Variants in BIRC6 observed in about 807,000 individuals in gnomAD.
BIRC6 encodes the protein dual E2 ubiquitin-conjugating enzyme/E3 ubiquitin-protein ligase BIRC6.
A neutral mutation model predicts 503.3 loss-of-function variants in BIRC6; 98 were observed. The ratio of observed to expected loss-of-function variants is 0.19; its 90% CI spans 0.17 to 0.23. The LOEUF (loss-of-function observed/expected upper bound fraction) is 0.23, where lower values mean the gene tolerates loss of function less well. Ranked by LOEUF, BIRC6 falls within the 10% of genes least tolerant of loss-of-function variation. The pLI is 1.00. For missense variants in BIRC6, 5,360 were observed against 5,806.0 expected (o/e 0.92, Z 2.50); for synonymous variants, 2,240 against 2,078.7 (o/e 1.08, Z -2.11).
At chr2:32,551,735 A>G (rs935902140) in intron 65 of BIRC6, among the ~76,000 whole-genome samples, 1 of 152,224 alleles carries the variant, frequency 6.6e-6, no homozygotes, top group African/African-American at 2.4e-5. Context: ...GAGTTGAGGT[A>G]ATGTGATAGG....
intron 39 of BIRC6, among the ~76,000 whole-genome samples, chr2:32,483,164 G>A (rs746886652): frequency 1.3e-4 from 20 of 152,080 alleles, no homozygotes; most frequent in Non-Finnish European, 2.5e-4. Context: ...TGATCTGCCT[G>A]CCTCGGCCTC....
In BIRC6 at chr2:32,477,325, T is replaced by G. The variant is rs550115414; in HGVS notation, c.6853-43T>G. ...TAAATCTATACTGAAAAAATTTTCA[T>G]TAAGTAAACATTGATTTAAACACTA... On this transcript the variant is annotated intron_variant, in intron 34 of 73. Transcript: ENST00000421745. 16 of 1,579,492 alleles carry G rather than the reference T, an allele frequency of 1.0e-5. No individual in the cohort carries two copies. In the East Asian group the frequency reaches 3.4e-4, roughly 33 times the overall value.
At chr2:32,491,780 AG>A (rs2051750350) in intron 44 of BIRC6, among the ~76,000 whole-genome samples, 1 of 152,192 alleles carries the variant, frequency 6.6e-6, no homozygotes, top group Non-Finnish European at 1.5e-5. Flanking sequence ...GTTTTCATAT[AG>A]ATACATATTT....
intron 61 of BIRC6, among the ~76,000 whole-genome samples, chr2:32,542,139 C>T (rs934254170): frequency 1.7e-4 from 26 of 151,744 alleles, no homozygotes; most frequent in African/African-American, 5.8e-4. Flanking sequence ...TATATTTACA[C>T]ATGTATACAT....
chr2:32,405,795 A>G (rs1194853388), intron 8 of BIRC6, among the ~76,000 whole-genome samples: 1 of 152,244 alleles, frequency 6.6e-6, no homozygotes, highest in Non-Finnish European at 1.5e-5. Context: ...TCCTGAATTC[A>G]GTAATAGAAT....
At chr2:32,527,581 GCA>G (rs2056380593) in intron 59 of BIRC6, 1 of 152,218 alleles carries the variant, frequency 6.6e-6, no homozygotes, top group Admixed American at 6.5e-5. Context: ...ACACAGTTGT[GCA>G]TGTCTGGCAC....
intron 24 of BIRC6, among the ~76,000 whole-genome samples, chr2:32,463,717 A>G (rs1286831648): frequency 6.6e-6 from 1 of 152,252 alleles, no homozygotes; most frequent in African/African-American, 2.4e-5. Context: ...TTTATAGAAC[A>G]GTTAAATTTA....
intron 61 of BIRC6, among the ~76,000 whole-genome samples, chr2:32,541,667 G>A (rs1362305128): frequency 6.6e-6 from 1 of 152,100 alleles, no homozygotes; most frequent in Admixed American, 6.5e-5. Context: ...CTTCAAATTA[G>A]TATTTAGTGA....
At chr2:32,503,376 A>G (rs1406350737) in intron 49 of BIRC6, 140 bp downstream of exon 49, 17 of 712,096 alleles carry the variant, frequency 2.4e-5, no homozygotes, top group Non-Finnish European at 2.8e-5. Context: ...GAGGTAGTGG[A>G]TATCTCGACA....
intron 50 of BIRC6, 189 bp downstream of exon 50, chr2:32,505,394 C>T (rs1161648292): frequency 5.4e-6 from 3 of 560,470 alleles, no homozygotes; most frequent in East Asian, 5.9e-5. Flanking sequence ...TAACCTCAGA[C>T]AAAAAGATTA....
chr2:32,435,126 C>G (rs568961874), intron 13 of BIRC6, among the ~76,000 whole-genome samples: 2 of 152,186 alleles, frequency 1.3e-5, no homozygotes, highest in East Asian at 3.9e-4. Context: ...CATATGTGTG[C>G]AGTCTTTTGA....
At chr2:32,397,662 G>GTGTA (rs1553396848) in intron 6 of BIRC6, among the ~76,000 whole-genome samples, 1 of 138,706 alleles carries the variant, frequency 7.2e-6, no homozygotes, top group Admixed American at 7.5e-5. Context: ...ACATATATGT[G>GTGTA]TATATATATA....
In BIRC6 at chr2:32,517,765, T is replaced by A. The variant is rs558797454; in HGVS notation, c.11350-489T>A. On this transcript the variant is annotated intron_variant, in intron 55 of 73. Transcript: ENST00000421745. Reference sequence around the variant, plus strand: ...ATTTTTTTTTGGTTGGGGGAGTGGGTAGAGACAGGTTTCACCACGTTGCCT... The same window carrying A: ...ATTTTTTTTTGGTTGGGGGAGTGGGAAGAGACAGGTTTCACCACGTTGCCT... Among the ~76,000 whole-genome samples, 8 of 1,476 alleles carry A rather than the reference T, an allele frequency of 5.4e-3. No homozygotes were observed. The South Asian group carries it at 0.17, about 31-fold the overall frequency. 1.0% of individuals were successfully genotyped at this position (1,476 alleles called of 152,430 possible). A position where few individuals can be genotyped will look rare whatever the true frequency, so the allele number is the denominator to read the frequency against.
chr2:32,543,605 C>T (rs1205946043), intron 62 of BIRC6, 64 bp downstream of exon 62: 4 of 1,457,358 alleles, frequency 2.7e-6, no homozygotes, highest in Non-Finnish European at 2.8e-6. Flanking sequence ...GTATCCAGAT[C>T]ATTGCCTATT....
At chr2:32,530,158 A>G (rs551585257) in intron 60 of BIRC6, among the ~76,000 whole-genome samples, 4 of 152,292 alleles carry the variant, frequency 2.6e-5, no homozygotes, top group South Asian at 4.2e-4. Context: ...TCTTGCATAT[A>G]AACATGTTTT....
chr2:32,613,117 G>T (rs140440291), intron 73 of BIRC6, among the ~76,000 whole-genome samples: 1 of 151,496 alleles, frequency 6.6e-6, no homozygotes, highest in African/African-American at 2.4e-5. Context: ...CTACTTTTCA[G>T]CTCTTCTGCT....
chr2:32,421,962 T>C (rs2042994708), intron 10 of BIRC6, among the ~76,000 whole-genome samples: 1 of 152,238 alleles, frequency 6.6e-6, no homozygotes, highest in Non-Finnish European at 1.5e-5. Flanking sequence ...TTGTTCACTT[T>C]TAAGTCTGTT....
At chr2:32,412,602 A>T (rs1457517292) in intron 9 of BIRC6, among the ~76,000 whole-genome samples, 1 of 152,168 alleles carries the variant, frequency 6.6e-6, no homozygotes, top group South Asian at 2.1e-4. Context: ...AATACAGAAG[A>T]CACTGAATGT....
chr2:32,563,117 C>T (rs1484679532), intron 65 of BIRC6, among the ~76,000 whole-genome samples: 1 of 152,124 alleles, frequency 6.6e-6, no homozygotes, highest in African/African-American at 2.4e-5. Flanking sequence ...CACAAAATAA[C>T]TTGCTGGGGT....
Sources: gnomAD v4.1 joint callset for allele counts (sites outside exome capture counted in the v4.1 genomes callset) on GRCh38, gnomAD v4.1.1 for gene constraint, MANE v1.5 for transcripts, NCBI Gene and HGNC (gene_info 2026-07-23, HGNC 2026-07-21) for gene names.